Variants in ANK3 observed in about 807,000 individuals in gnomAD.
ANK3 encodes the protein ankyrin-3.
A neutral mutation model predicts 370.9 loss-of-function variants in ANK3; 57 were observed. That is an observed-to-expected ratio of 0.15 (90% confidence interval 0.12 to 0.19). The LOEUF is 0.19. Among genes scored for constraint, ANK3 ranks in the 10% least tolerant of loss-of-function variants. The pLI is 1.00. For synonymous variants in ANK3, 1,929 were observed against 1,946.3 expected, an observed-to-expected ratio of 0.99 and a Z score of 0.23; for missense variants, 4,439 against 5,302.1, an observed-to-expected ratio of 0.84 and a Z score of 5.06.
At chr10:60,064,008 A>G in intron 39 of ANK3, 149 bp downstream of exon 39, 1 of 668,018 alleles carries the variant, frequency 1.5e-6, no homozygotes, top group South Asian at 3.5e-5. Flanking sequence ...TAACTTCAAA[A>G]GACTTGCTAT....
intron 2 of ANK3, among the ~76,000 whole-genome samples, chr10:60,584,430 G>A (rs2077801278): frequency 7.3e-6 from 1 of 136,936 alleles, no homozygotes; most frequent in African/African-American, 2.8e-5. Context: ...GACAGCCGAG[G>A]CAACAAAGAA....
intron 1 of ANK3, among the ~76,000 whole-genome samples, chr10:60,730,173 C>T (rs1023023489): frequency 6.6e-6 from 1 of 152,060 alleles, no homozygotes; most frequent in African/African-American, 2.4e-5. Flanking sequence ...GACAGGGTCT[C>T]ACTCCACTGC....
chr10:60,207,766 A>T lies in ANK3; in HGVS notation c.1194+270T>A, dbSNP rs1019260012. Among the ~76,000 whole-genome samples, 46 of 152,182 alleles carry T rather than the reference A, an allele frequency of 3.0e-4. 1 individual carries two copies. The highest frequency in any genetic ancestry group is 1.0e-3 in the African/African-American group (42 of 41,440). On this transcript the variant is annotated intron_variant, in intron 10 of 43. Transcript: ENST00000280772. The stretch of plus-strand genomic sequence containing the variant: ...ACAATAAGACGACGTTGGCCACCTT[A>T]GTCTTTTTATAATTGTATAGTCTTT...
chr10:60,169,956 A>G (rs1481035435), intron 21 of ANK3, among the ~76,000 whole-genome samples: 3 of 152,218 alleles, frequency 2.0e-5, no homozygotes, highest in African/African-American at 7.2e-5. Context: ...TTGACACTCT[A>G]AGATGTTCCA....
rs377760658 is a variant in ANK3, at chr10:60,426,728, C to T, written c.97-147089G>A. On this transcript the variant is annotated intron_variant, in intron 2 of 43. Transcript: ENST00000373827. ...GCCGTCAAGCATCTTCCCACAATTA[C>T]TTATTTATAGCTTTAGAAGCTTTTA... Among the ~76,000 whole-genome samples the T allele has an allele frequency of 5.9e-5, 9 of 152,248 alleles. No individual in the cohort carries two copies. In the East Asian group the frequency reaches 1.2e-3, roughly 20 times the overall value.
intron 12 of ANK3, among the ~76,000 whole-genome samples, chr10:60,201,471 T>G (rs1166327496): frequency 1.3e-5 from 2 of 152,194 alleles, no homozygotes; most frequent in Non-Finnish European, 2.9e-5. Flanking sequence ...GTGCTAATAT[T>G]ATGATGTCAA....
At chr10:60,627,494 T>A (rs1463577688) in intron 1 of ANK3, among the ~76,000 whole-genome samples, 1 of 152,136 alleles carries the variant, frequency 6.6e-6, no homozygotes, top group Non-Finnish European at 1.5e-5. Context: ...TGATCAAGGC[T>A]AATTAATCAT....
At chr10:60,672,077 G>T (rs904397695) in intron 1 of ANK3, among the ~76,000 whole-genome samples, 1 of 152,200 alleles carries the variant, frequency 6.6e-6, no homozygotes, top group African/African-American at 2.4e-5. Context: ...CTAAGTGTTG[G>T]TGTAATTTGT....
chr10:60,244,698 G>A (rs373157129), intron 7 of ANK3, among the ~76,000 whole-genome samples: 3 of 152,060 alleles, frequency 2.0e-5, no homozygotes, highest in African/African-American at 7.2e-5. Context: ...TAGTGAATAC[G>A]TTCACAGAGA....
chr10:60,080,661 C>T, intron 35 of ANK3, 43 bp from the exon 36 acceptor site: 2 of 1,411,478 alleles, frequency 1.4e-6, no homozygotes, highest in Non-Finnish European at 9.7e-7. Context: ...TCCAACTTCC[C>T]TGTGACATCT....
intron 2 of ANK3, chr10:60,572,711 C>T: frequency 7.2e-7 from 1 of 1,393,252 alleles, no homozygotes; most frequent in Non-Finnish European, 9.3e-7. Context: ...GCTAATGTAG[C>T]CCTGTTCAGC....
chr10:60,449,022 C>G (rs2064526275), intron 2 of ANK3, among the ~76,000 whole-genome samples: 1 of 152,104 alleles, frequency 6.6e-6, no homozygotes, highest in African/African-American at 2.4e-5. Flanking sequence ...GACCAAGAGG[C>G]AAATTTCAGA....
chr10:60,088,116 A>T (rs2087174225), intron 29 of ANK3, 31 bp downstream of exon 29: 1 of 1,584,436 alleles, frequency 6.3e-7, no homozygotes, highest in Non-Finnish European at 8.7e-7. Flanking sequence ...CTCTGCGCAT[A>T]CTGAGGGAAA....
intron 2 of ANK3, among the ~76,000 whole-genome samples, chr10:60,581,812 G>A (rs949742857): frequency 8.6e-5 from 13 of 152,040 alleles, no homozygotes; most frequent in Admixed American, 7.9e-4. Flanking sequence ...GGAATTGGAA[G>A]CCAACATGAG....
chr10:60,627,140 A>G (rs2078422444), intron 1 of ANK3, among the ~76,000 whole-genome samples: 2 of 152,142 alleles, frequency 1.3e-5, no homozygotes, highest in African/African-American at 4.8e-5. Context: ...AAAAGAAACA[A>G]GATAGTCTGA....
At chr10:60,387,824 C>T (rs1304201967) in intron 1 of ANK3, among the ~76,000 whole-genome samples, 1 of 152,182 alleles carries the variant, frequency 6.6e-6, no homozygotes, top group African/African-American at 2.4e-5. Flanking sequence ...AACAGGGACC[C>T]AGGCACAAAG....
In ANK3 at chr10:60,026,663, A is replaced by C. The variant is rs929375439; in HGVS notation, c.*3183T>G. ...AGCGAGGAACATCAGGATGCCAAAA[A>C]GTCCTTATTTACAGAGGAAAGGAGG... On this transcript the variant is annotated 3_prime_UTR_variant, in exon 44 of 44. Coordinates refer to ENST00000280772, the MANE Select transcript of ANK3 (RefSeq NM_020987.5). The C allele has an allele frequency of 6.6e-6, 1 of 152,240 alleles. No homozygotes were observed. The highest frequency in any genetic ancestry group is 2.4e-5 in the African/African-American group (1 of 41,472). 9.4% of individuals were successfully genotyped at this position (152,240 alleles called of 1,614,324 possible). A position where few individuals can be genotyped will look rare whatever the true frequency, so the allele number is the denominator to read the frequency against.
At chr10:60,559,925 C>A (rs1311171340) in intron 2 of ANK3, among the ~76,000 whole-genome samples, 1 of 152,074 alleles carries the variant, frequency 6.6e-6, no homozygotes, top group East Asian at 1.9e-4. Flanking sequence ...TGCCTATAAT[C>A]CCAGCTACTC....
At chr10:60,526,936 T>C (rs1380566299) in intron 2 of ANK3, among the ~76,000 whole-genome samples, 1 of 152,140 alleles carries the variant, frequency 6.6e-6, no homozygotes, top group Non-Finnish European at 1.5e-5. Flanking sequence ...GAAGTCATTT[T>C]CTGAATATAT....
Sources: allele counts gnomAD v4.1 joint callset (sites outside exome capture counted in the v4.1 genomes callset), GRCh38; gene constraint gnomAD v4.1.1; transcripts MANE v1.5; gene names NCBI Gene and HGNC (gene_info 2026-07-23, HGNC 2026-07-21).